NCOR2: variants seen among roughly 807,000 people sequenced by gnomAD.
The protein encoded by NCOR2 is CTG repeat protein 26.
In NCOR2, 81 loss-of-function variants were observed where a neutral mutation model predicts 262.9. That is an observed-to-expected ratio of 0.31 (90% CI 0.26 to 0.37). The LOEUF is 0.37. Among genes scored for constraint, NCOR2 ranks in the 10% least tolerant of loss-of-function variants. The pLI, the probability that NCOR2 is intolerant of heterozygous loss-of-function variation, is 1.00. For synonymous variants in NCOR2, 1,659 were observed against 1,559.3 expected, an observed-to-expected ratio of 1.06 and a Z score of -1.51; for missense variants, 3,385 against 3,621.4, an observed-to-expected ratio of 0.93 and a Z score of 1.68.
chr12:124,388,759 GC>G (rs1565899722), intron 16 of NCOR2: 1 of 1,304,120 alleles, frequency 7.7e-7, no homozygotes, highest in Admixed American at 2.3e-5. Flanking sequence ...CAGGGAGCGG[GC>G]CGAAGTGGGC....
chr12:124,459,045 A>T (rs2046028335), intron 5 of NCOR2, among the ~76,000 whole-genome samples: 1 of 152,186 alleles, frequency 6.6e-6, no homozygotes, highest in Non-Finnish European at 1.5e-5. Context: ...GCTGTTGGTT[A>T]AGAGCAGTAA....
At chr12:124,340,648 C>A (rs755427580) in exon 35 of NCOR2, 29 of 1,495,996 alleles carry the variant, frequency 1.9e-5, no homozygotes, top group Non-Finnish European at 2.5e-5. Context: ...AGGGCTGGGG[C>A]GCGGTGGGGA....
Position 124,489,110 on chromosome 12 carries a change from G to T in NCOR2, c.106-2542C>A, listed in dbSNP as rs2047938137. On this transcript the variant is annotated intron_variant, in intron 1 of 46. Transcript: ENST00000405201. ...ACAAGAGTACCTGGAGGCTCTAGGG[G>T]AAGGCAAGAATTGGGGAGGCCCCAC... Among the ~76,000 whole-genome samples the T allele has an allele frequency of 3.9e-5, 6 of 152,150 alleles. No individual in the cohort carries two copies. In the South Asian group the frequency reaches 1.2e-3, roughly 32 times the overall value.
intron 1 of NCOR2, among the ~76,000 whole-genome samples, chr12:124,547,210 C>A (rs1266435431): frequency 6.6e-6 from 1 of 152,018 alleles, no homozygotes; most frequent in Admixed American, 6.5e-5. Context: ...CCAGGCTGGT[C>A]TCGAACTCCT....
exon 13 of NCOR2, chr12:124,419,992 C>T (rs2043124472): frequency 9.9e-6 from 16 of 1,613,928 alleles, no homozygotes; most frequent in Non-Finnish European, 1.4e-5. Flanking sequence ...CTCCGTCTCA[C>T]CAGGCTCTTA....
upstream of NCOR2, among the ~76,000 whole-genome samples, chr12:124,500,235 G>A (rs926003761): frequency 7.9e-5 from 12 of 152,138 alleles, no homozygotes; most frequent in African/African-American, 1.4e-4. Flanking sequence ...CAGCCCCAGG[G>A]CCCCTGCTGG....
At chr12:124,495,755 G>A (rs1314233058), upstream of NCOR2, among the ~76,000 whole-genome samples, 3 of 152,118 alleles carry the variant, frequency 2.0e-5, no homozygotes, top group Middle Eastern at 3.2e-3. This position sits in a 1 kb window ranked among gnomAD's most constrained non-coding sequence, Gnocchi z 4.4. Flanking sequence ...GAAAGCACCT[G>A]TCCCAGGAGG....
upstream of NCOR2, among the ~76,000 whole-genome samples, chr12:124,496,635 C>T (rs1248762166): frequency 6.6e-6 from 1 of 152,126 alleles, no homozygotes; most frequent in Admixed American, 6.5e-5. This position sits in a 1 kb window ranked among gnomAD's most constrained non-coding sequence, Gnocchi z 4.4. Flanking sequence ...CCTTGGAGGC[C>T]TAATGTGGAG....
chr12:124,530,024 G>A (rs1425682197), intron 1 of NCOR2: 1 of 152,218 alleles, frequency 6.6e-6, no homozygotes, highest in Non-Finnish European at 1.5e-5. Context: ...AATGTTCAGA[G>A]CAGCTTTATT....
At chr12:124,369,066 C>T (rs2039270050) in intron 20 of NCOR2, among the ~76,000 whole-genome samples, 1 of 152,224 alleles carries the variant, frequency 6.6e-6, no homozygotes, top group Admixed American at 6.5e-5. Flanking sequence ...CCCACTGTGG[C>T]CCGTCATTAA....
chr12:124,448,146 G>GATGA (rs2045298811), intron 7 of NCOR2, among the ~76,000 whole-genome samples: 1 of 152,190 alleles, frequency 6.6e-6, no homozygotes, highest in African/African-American at 2.4e-5. Context: ...ATAAAGATGG[G>GATGA]ATGAATGAAT....
rs2049922982 is a variant in NCOR2, at chr12:124,517,935, C to T, written c.-118+17630G>A. On this transcript the variant is annotated intron_variant, in intron 1 of 46. Coordinates refer to the NCOR2 transcript ENST00000404621. This position sits in a 1 kb window ranked among gnomAD's most constrained non-coding sequence, Gnocchi z 7.6. ...CCCCCATTGGCTGACCTGCGGCCGG[C>T]CACTCAGCCCCCAGCCCTGGCCACC... Among the ~76,000 whole-genome samples the T allele has an allele frequency of 6.6e-6, 1 of 152,192 alleles. No individual in the cohort carries two copies. Among genetic ancestry groups the T allele is most frequent in the South Asian group, 2.1e-4 (1 of 4,834 alleles).
chr12:124,430,892 A>G (rs2043873374), intron 8 of NCOR2, 105 bp from the exon 11 acceptor site: 3 of 1,379,534 alleles, frequency 2.2e-6, no homozygotes, highest in Admixed American at 2.3e-5. Context: ...GCGTGCGCAC[A>G]CACACAAAGT....
rs113677010 is a variant in NCOR2 at position 124,511,451 on chromosome 12, T to C, written c.-117-16083A>G. Among the ~76,000 whole-genome samples the C allele has an allele frequency of 5.9e-3, 902 of 152,322 alleles. 9 individuals are homozygous for C. The highest frequency in any genetic ancestry group is 0.021 in the African/African-American group (855 of 41,576). On this transcript the variant is annotated intron_variant, in intron 1 of 46. Coordinates refer to the NCOR2 transcript ENST00000404621. ...ATTTGTCAAGGGCACCCGGCAAACC[T>C]GGGGCTTGCTGGGGGATGAGTGCAA...
At chr12:124,402,610 C>G in intron 13 of NCOR2, 49 bp from the exon 16 acceptor site, 5 of 1,543,252 alleles carry the variant, frequency 3.2e-6, no homozygotes, top group Non-Finnish European at 3.5e-6. Flanking sequence ...GGAAGAAAAC[C>G]GTGAACAGGT....
rs1022250566 is a variant in NCOR2, at chr12:124,482,917, T to G, written c.411+679A>C. ...GGGCAGTAGAAGGCGGCTTTGTCAT[T>G]CTAGGGGTCCAGGCCATGTCCTAAC... On this transcript the variant is annotated intron_variant, in intron 3 of 46. Transcript: ENST00000405201. This position sits in a 1 kb window ranked among gnomAD's most constrained non-coding sequence, Gnocchi z 6.3. Among the ~76,000 whole-genome samples, 8 of 152,090 alleles carry G rather than the reference T, an allele frequency of 5.3e-5. No homozygotes were observed. Among genetic ancestry groups the G allele is most frequent in the Admixed American group, 1.3e-4 (2 of 15,278 alleles).
chr12:124,565,746 T>C (rs532128825), intron 1 of NCOR2, among the ~76,000 whole-genome samples: 6 of 152,338 alleles, frequency 3.9e-5, no homozygotes, highest in Non-Finnish European at 5.9e-5. Context: ...AGTACCATTT[T>C]GACCCTCATT....
chr12:124,333,856 A>ATGTGTGTGTGTGCGCATG (rs56104621), intron 41 of NCOR2, among the ~76,000 whole-genome samples: 1 of 121,200 alleles, frequency 8.3e-6, no homozygotes, highest in Non-Finnish European at 1.9e-5. Flanking sequence ...GCGGGTGTGC[A>ATGTGTGTGTGTGCGCATG]TGTGTGTGTG....
At chr12:124,380,371 T>C (rs914156232) in intron 17 of NCOR2, among the ~76,000 whole-genome samples, 1 of 152,206 alleles carries the variant, frequency 6.6e-6, no homozygotes, top group Non-Finnish European at 1.5e-5. Context: ...GGGAAACGAC[T>C]GCTCGTCCGT....
Sources: allele counts gnomAD v4.1 joint callset (sites outside exome capture counted in the v4.1 genomes callset), GRCh38; gene constraint gnomAD v4.1.1; non-coding constraint Gnocchi (gnomAD v3.1); transcripts MANE v1.5; gene names NCBI Gene and HGNC (gene_info 2026-07-23, HGNC 2026-07-21).